PCDH9: variants seen among roughly 807,000 people sequenced by gnomAD.
PCDH9 encodes the protein protocadherin-9.
PCDH9 carries 24 observed loss-of-function variants against 70.6 expected under a neutral mutation model. That is an observed-to-expected ratio of 0.34 (90% confidence interval 0.25 to 0.48). The LOEUF (loss-of-function observed/expected upper bound fraction) is 0.48. PCDH9 is among the 20% of genes least tolerant of loss of function. The pLI, the probability that PCDH9 is intolerant of heterozygous loss-of-function variation, is 0.99. For missense variants in PCDH9, 1,281 were observed against 1,503.6 expected, an observed-to-expected ratio of 0.85 and a Z score of 2.45; for synonymous variants, 562 against 558.5, an observed-to-expected ratio of 1.01 and a Z score of -0.09.
At position 67,073,041 on chromosome 13, in the gene PCDH9, C is replaced by A. The variant is rs545983781; in HGVS notation, c.3036+152364G>T. Among the ~76,000 whole-genome samples, 320 of 152,278 alleles carry A rather than the reference C, an allele frequency of 2.1e-3. 1 individual carries two copies. The highest frequency in any genetic ancestry group is 7.5e-3 in the African/African-American group (310 of 41,572). On this transcript the variant is annotated intron_variant, in intron 2 of 4. Coordinates refer to ENST00000377865, the MANE Select transcript of PCDH9 (RefSeq NM_203487.3). ...TTGGTGCTATACAACCACATTTAAACATGTTCAATTGATTCGCTGAATTTC... is the reference window on the plus strand; with the variant it reads ...TTGGTGCTATACAACCACATTTAAAAATGTTCAATTGATTCGCTGAATTTC...
chr13:66,434,852 A>T (rs1957839453), intron 4 of PCDH9, among the ~76,000 whole-genome samples: 1 of 152,134 alleles, frequency 6.6e-6, no homozygotes, highest in Non-Finnish European at 1.5e-5. Context: ...TGAGTCTATG[A>T]AACAAAAAAG....
At position 66,797,685 on chromosome 13, in the gene PCDH9, T is replaced by C. The variant is rs980868002; in HGVS notation, c.3138+105819A>G. On this transcript the variant is annotated intron_variant, in intron 3 of 4. Transcript: ENST00000377865. ...TGAAGACATGTCTTTCATTTGTACATAATATAATCTCCCATATTAATATGT... is the reference window on the plus strand; with the variant it reads ...TGAAGACATGTCTTTCATTTGTACACAATATAATCTCCCATATTAATATGT... Among the ~76,000 whole-genome samples, 9 of 152,200 alleles carry C rather than the reference T, an allele frequency of 5.9e-5. No individual in the cohort carries two copies. In the East Asian group the frequency reaches 1.7e-3, roughly 29 times the overall value.
chr13:66,918,332 A>C (rs1360946017), intron 2 of PCDH9, among the ~76,000 whole-genome samples: 3 of 151,224 alleles, frequency 2.0e-5, no homozygotes, highest in Non-Finnish European at 4.4e-5. Context: ...CTTGGTTTCC[A>C]CGAGATCGCT....
chr13:66,745,233 T>C (rs528073183), intron 3 of PCDH9, among the ~76,000 whole-genome samples: 2 of 152,298 alleles, frequency 1.3e-5, no homozygotes, highest in East Asian at 1.9e-4. Context: ...AATGATGTCT[T>C]ACCCATTTGA....
chr13:66,961,706 AATTG>A (rs1398683408), intron 2 of PCDH9, among the ~76,000 whole-genome samples: 5 of 152,196 alleles, frequency 3.3e-5, no homozygotes, highest in African/African-American at 1.2e-4. Flanking sequence ...GTTAGAATGA[AATTG>A]ATTAAGAAAA....
intron 4 of PCDH9, among the ~76,000 whole-genome samples, chr13:66,536,041 A>T (rs985487880): frequency 3.9e-5 from 6 of 152,220 alleles, no homozygotes; most frequent in Admixed American, 1.3e-4. Context: ...GCTATCTTAA[A>T]GATCACACGT....
intron 2 of PCDH9, among the ~76,000 whole-genome samples, chr13:67,115,142 A>C (rs1165317051): frequency 6.6e-6 from 1 of 152,234 alleles, no homozygotes; most frequent in Non-Finnish European, 1.5e-5. Flanking sequence ...GAATCCATTA[A>C]CTATAGGTAA....
In PCDH9 at chr13:67,225,913, C is replaced by G; in HGVS notation, c.2528G>C (p.Arg843Thr). The stretch of plus-strand genomic sequence containing the variant: ...CTTGCTCCTCTGAGCTGCTTTGAAC[C>G]TTGATGCATGGCGACAGCGCACCAG... ...TVLVRCRHASRFKAAQRSKQG... is the reference protein window; with the variant it reads ...TVLVRCRHASTFKAAQRSKQG... Residue 843 changes from arginine (R) to threonine (T), a missense_variant, in exon 2 of 5, where the codon AGG becomes ACG. By Grantham distance (71) the Arg-to-Thr change is moderately conservative. Around this residue, in one of 4 missense-constraint regions of PCDH9, gnomAD observed 207 missense variants for 191.8 expected, o/e 1.08. Coordinates refer to ENST00000377865, the MANE Select transcript of PCDH9 (RefSeq NM_203487.3). The G allele has an allele frequency of 6.2e-7, 1 of 1,614,092 alleles. No individual in the cohort carries two copies. Among genetic ancestry groups the G allele is most frequent in the Non-Finnish European group, 8.5e-7 (1 of 1,180,034 alleles).
chr13:67,085,868 A>G (rs1376519989), intron 2 of PCDH9, among the ~76,000 whole-genome samples: 1 of 152,188 alleles, frequency 6.6e-6, no homozygotes, highest in Non-Finnish European at 1.5e-5. Context: ...TGAATTCCCT[A>G]TAGCCTCATT....
chr13:67,197,492 T>A (rs749975743), intron 2 of PCDH9, among the ~76,000 whole-genome samples: 27 of 152,148 alleles, frequency 1.8e-4, no homozygotes, highest in Non-Finnish European at 3.4e-4. Flanking sequence ...GCCCAATAAC[T>A]TTTTATTTGG....
chr13:66,326,432 A>G (rs1233817042), intron 4 of PCDH9, among the ~76,000 whole-genome samples: 1 of 151,704 alleles, frequency 6.6e-6, no homozygotes, highest in Admixed American at 6.6e-5. Context: ...ACAATAAAAA[A>G]AAACACACCA....
intron 3 of PCDH9, among the ~76,000 whole-genome samples, chr13:66,649,251 C>T (rs570097902): frequency 6.6e-6 from 1 of 152,080 alleles, no homozygotes; most frequent in South Asian, 2.1e-4. Flanking sequence ...AAGACTACTT[C>T]AAGACACTTA....
intron 3 of PCDH9, among the ~76,000 whole-genome samples, chr13:66,785,389 A>G (rs1439914188): frequency 6.6e-6 from 1 of 152,056 alleles, no homozygotes. Context: ...ATTATTTTAC[A>G]GTACTCTTCA....
At chr13:66,573,153 G>A (rs1294489123) in intron 4 of PCDH9, among the ~76,000 whole-genome samples, 1 of 151,580 alleles carries the variant, frequency 6.6e-6, no homozygotes, top group East Asian at 1.9e-4. Context: ...ATTCCATTAT[G>A]GTTTTGATTT....
chr13:66,555,251 G>C (rs1961679957), intron 4 of PCDH9, among the ~76,000 whole-genome samples: 1 of 152,032 alleles, frequency 6.6e-6, no homozygotes, highest in South Asian at 2.1e-4. Context: ...AGACAAAAGA[G>C]TCATTTCACA....
intron 4 of PCDH9, among the ~76,000 whole-genome samples, chr13:66,510,909 C>A (rs1290763866): frequency 6.6e-6 from 1 of 152,050 alleles, no homozygotes; most frequent in African/African-American, 2.4e-5. Context: ...TTGGATGACC[C>A]CTGAAATTTT....
chr13:66,369,417 G>C (rs1480256707), intron 4 of PCDH9, among the ~76,000 whole-genome samples: 1 of 151,956 alleles, frequency 6.6e-6, no homozygotes, highest in Non-Finnish European at 1.5e-5. Flanking sequence ...TTTTAAATGG[G>C]ATTTTGACTT....
At chr13:66,565,955 T>C (rs1174139487) in intron 4 of PCDH9, among the ~76,000 whole-genome samples, 8 of 152,168 alleles carry the variant, frequency 5.3e-5, no homozygotes, top group African/African-American at 1.7e-4. Flanking sequence ...TACCCTACTT[T>C]GCCTGAGACA....
At position 66,969,715 on chromosome 13, in the gene PCDH9, A is replaced by AT. The variant is rs533063950; in HGVS notation, c.3037-66111dup. 5.0e-4 allele frequency among the ~76,000 whole-genome samples: 76 copies of AT among 152,110 alleles called. No homozygotes were observed. In the East Asian group the frequency reaches 7.9e-3, roughly 16 times the overall value. ...TTTAACCTAAAGCATCTAAAATGGGATTTTTTATCAAAATTCCATTTTCAC... is the reference window on the plus strand; with the variant it reads ...TTTAACCTAAAGCATCTAAAATGGGATTTTTTTATCAAAATTCCATTTTCAC... On this transcript the variant is annotated intron_variant, in intron 2 of 4. Coordinates refer to ENST00000377865, the MANE Select transcript of PCDH9 (RefSeq NM_203487.3).
Sources: allele counts gnomAD v4.1 joint callset (sites outside exome capture counted in the v4.1 genomes callset), GRCh38; gene constraint gnomAD v4.1.1; regional missense constraint gnomAD v4.1.1; transcripts MANE v1.5; gene names NCBI Gene and HGNC (gene_info 2026-07-23, HGNC 2026-07-21).